Variants in PIP5K1A observed in about 807,000 individuals in gnomAD.
PIP5K1A encodes the protein phosphatidylinositol 4-phosphate 5-kinase type-1 alpha.
Under a neutral mutation model 72.9 loss-of-function variants are expected in PIP5K1A, and 46 were observed. The observed-to-expected ratio is 0.63, with a 90% CI of 0.50 to 0.81. The LOEUF is 0.81. Among genes scored for constraint, PIP5K1A ranks in the 30% least tolerant of loss-of-function variants. PIP5K1A has a pLI of 0.00. For synonymous variants in PIP5K1A, 228 were observed against 255.1 expected, an observed-to-expected ratio of 0.89 and a Z score of 1.01; for missense variants, 458 against 706.1, an observed-to-expected ratio of 0.65 and a Z score of 3.98.
At chr1:151,210,469 G>A (rs775305736) in intron 1 of PIP5K1A, among the ~76,000 whole-genome samples, 2 of 151,840 alleles carry the variant, frequency 1.3e-5, no homozygotes, top group Non-Finnish European at 2.9e-5. Context: ...TTACAGGCAT[G>A]AGCCACCCTG....
intron 9 of PIP5K1A, 58 bp downstream of exon 9, chr1:151,236,821 CTTTT>C (rs369523470): frequency 6.1e-4 from 304 of 498,236 alleles, no homozygotes; most frequent in East Asian, 8.7e-4. Context: ...CTTTTCTTTT[CTTTT>C]TTTTTTTTTT....
intron 1 of PIP5K1A, among the ~76,000 whole-genome samples, chr1:151,203,993 T>C (rs1321679874): frequency 1.3e-5 from 2 of 152,070 alleles, no homozygotes; most frequent in Non-Finnish European, 2.9e-5. Flanking sequence ...TACCTGACTT[T>C]TTCTCCCCCT....
chr1:151,236,635 C>T lies in PIP5K1A; in HGVS notation c.1017C>T (p.Pro339=), dbSNP rs779407388. The stretch of plus-strand genomic sequence containing the variant: ...ATATAGATCATGCACAACGAGAGCC[C>T]TTAAGCAGTGAAACACAGTACTCAG... ...IHNIDHAQRE[P]LSSETQYSVD... The change falls in exon 9 of 16, where the codon CCC becomes CCT. Residue 339 remains proline (P), a synonymous_variant. Coordinates refer to ENST00000368888, the MANE Select transcript of PIP5K1A (RefSeq NM_001135638.2). 25 of 1,613,222 alleles carry T rather than the reference C, an allele frequency of 1.5e-5. No individual in the cohort carries two copies. Among genetic ancestry groups the T allele is most frequent in the Non-Finnish European group, 2.0e-5 (24 of 1,179,456 alleles).
intron 1 of PIP5K1A, among the ~76,000 whole-genome samples, chr1:151,216,985 T>G (rs1162259729): frequency 1.4e-5 from 2 of 144,774 alleles, no homozygotes; most frequent in Non-Finnish European, 3.0e-5. Context: ...TGATCTCAGC[T>G]TACTGCAACC....
At chr1:151,239,433 C>T (rs1172698765) in intron 11 of PIP5K1A, among the ~76,000 whole-genome samples, 1 of 151,822 alleles carries the variant, frequency 6.6e-6, no homozygotes, top group African/African-American at 2.4e-5. Context: ...CCACCACGCC[C>T]AGCTAATTTT....
At chr1:151,216,670 C>T (rs1412419097) in intron 1 of PIP5K1A, among the ~76,000 whole-genome samples, 1 of 152,026 alleles carries the variant, frequency 6.6e-6, no homozygotes, top group Non-Finnish European at 1.5e-5. Flanking sequence ...CCTTCCTGTC[C>T]TGTAGATGGC....
Position 151,224,535 on chromosome 1 carries a change from G to A in PIP5K1A, c.156+129G>A, listed in dbSNP as rs587675178. 55 of 718,120 alleles carry A rather than the reference G, an allele frequency of 7.7e-5. No individual in the cohort carries two copies. The South Asian group carries it at 9.0e-4, about 12-fold the overall frequency. 44.5% of individuals were successfully genotyped at this position (718,120 alleles called of 1,614,324 possible). A position where few individuals can be genotyped will look rare whatever the true frequency, so the allele number is the denominator to read the frequency against. ...ACCAAAAAGTAAATACTGTACCTAAGTGCCCTTTAAGATATTCTTATTTAA... is the reference window on the plus strand; with the variant it reads ...ACCAAAAAGTAAATACTGTACCTAAATGCCCTTTAAGATATTCTTATTTAA... On this transcript the variant is annotated intron_variant, in intron 3 of 15. Coordinates refer to ENST00000368888, the MANE Select transcript of PIP5K1A (RefSeq NM_001135638.2).
intron 9 of PIP5K1A, among the ~76,000 whole-genome samples, chr1:151,237,331 A>G (rs1289646215): frequency 6.6e-6 from 1 of 152,244 alleles, no homozygotes; most frequent in Non-Finnish European, 1.5e-5. Context: ...GACTTAAAAA[A>G]TTATAGTCTT....
chr1:151,233,550 C>T (rs587702243), intron 7 of PIP5K1A: 1 of 152,386 alleles, frequency 6.6e-6, no homozygotes, highest in African/African-American at 2.4e-5. Context: ...GATCCGCCTG[C>T]CTTGGCCTCC....
At chr1:151,208,839 T>G (rs1686364915) in intron 1 of PIP5K1A, among the ~76,000 whole-genome samples, 1 of 146,030 alleles carries the variant, frequency 6.8e-6, no homozygotes, top group Admixed American at 7.2e-5. Context: ...TTCACGCCAT[T>G]CTCTTGCCTC....
chr1:151,242,501 GC>G lies in PIP5K1A; in HGVS notation c.1575del (p.Ser526ArgfsTer11), dbSNP rs1351795898. 1 of 1,613,474 alleles carries G rather than the reference GC, an allele frequency of 6.2e-7. No homozygotes were observed. Among genetic ancestry groups the G allele is most frequent in the Non-Finnish European group, 8.5e-7 (1 of 1,179,516 alleles). The stretch of plus-strand genomic sequence containing the variant: ...CCACCTTTGGAGGAAATCAGTGAGG[GC>G]TCGCCTATTCCTGACCCCAGTTTCT... ...QTPPLEEISE[G>X]SPIPDPSFSP... On this transcript the variant is annotated frameshift_variant, in exon 14 of 16. Coordinates refer to ENST00000368888, the MANE Select transcript of PIP5K1A (RefSeq NM_001135638.2). LOFTEE classifies it high-confidence loss of function.
Position 151,239,118 on chromosome 1 carries a change from T to G in PIP5K1A, c.1230-12T>G. The G allele has an allele frequency of 6.2e-7, 1 of 1,603,960 alleles. No homozygotes were observed. The highest frequency in any genetic ancestry group is 8.5e-7 in the Non-Finnish European group (1 of 1,171,128). On this transcript the variant is annotated splice_polypyrimidine_tract_variant and intron_variant, in intron 10 of 15. Coordinates refer to ENST00000368888, the MANE Select transcript of PIP5K1A (RefSeq NM_001135638.2). ...AAATGACGTGAGTAGGTGATGTACA[T>G]TTTTCTTGCAGGTTTGTTAAGAAGT...
At position 151,231,954 on chromosome 1, in the gene PIP5K1A, A is replaced by G. The variant is rs11204788; in HGVS notation, c.368+153A>G. 7.2e-3 allele frequency among the ~76,000 whole-genome samples: 1,100 copies of G among 152,250 alleles called. 12 individuals carry two copies. The highest frequency in any genetic ancestry group is 0.025 in the African/African-American group (1,029 of 41,534). On this transcript the variant is annotated intron_variant, in intron 5 of 15. Coordinates refer to ENST00000368888, the MANE Select transcript of PIP5K1A (RefSeq NM_001135638.2). ...GGCGATGTGGGACTAGAGAGTTCGG[A>G]GAGCAGATACTGTCCTCTAGATGCT... is the stretch of plus-strand genomic sequence containing the variant.
At chr1:151,201,902 C>G (rs1024379075) in intron 1 of PIP5K1A, among the ~76,000 whole-genome samples, 2 of 151,998 alleles carry the variant, frequency 1.3e-5, no homozygotes, top group African/African-American at 4.8e-5. Context: ...AAATTTCAAG[C>G]TCTTGATGGA....
chr1:151,231,340 T>C (rs1690037337), intron 4 of PIP5K1A, among the ~76,000 whole-genome samples: 1 of 152,132 alleles, frequency 6.6e-6, no homozygotes, highest in Non-Finnish European at 1.5e-5. Flanking sequence ...CTAAGAACGT[T>C]GTGTCAATAC....
chr1:151,244,810 A>C (rs756406597), intron 14 of PIP5K1A, among the ~76,000 whole-genome samples: 1 of 152,198 alleles, frequency 6.6e-6, no homozygotes, highest in African/African-American at 2.4e-5. Context: ...AGGGATGACT[A>C]TACTCTGAAC....
At chr1:151,240,186 C>G in intron 12 of PIP5K1A, 147 bp downstream of exon 12, 1 of 660,614 alleles carries the variant, frequency 1.5e-6, no homozygotes. Context: ...CATTTCTTGT[C>G]CTTTGTGTTA....
chr1:151,232,774 C>T, intron 7 of PIP5K1A, 71 bp downstream of exon 7: 1 of 1,324,872 alleles, frequency 7.5e-7, no homozygotes, highest in Non-Finnish European at 1.1e-6. Context: ...CTGTCTTCAG[C>T]AGGGTAAAAC....
At chr1:151,206,094 T>C (rs1334320458) in intron 1 of PIP5K1A, among the ~76,000 whole-genome samples, 1 of 152,182 alleles carries the variant, frequency 6.6e-6, no homozygotes, top group Non-Finnish European at 1.5e-5. Flanking sequence ...TTATCCTGTT[T>C]TGTTCATATC....
Sources: allele counts gnomAD v4.1 joint callset (sites outside exome capture counted in the v4.1 genomes callset), GRCh38; gene constraint gnomAD v4.1.1; transcripts MANE v1.5; gene names NCBI Gene and HGNC (gene_info 2026-07-23, HGNC 2026-07-21).